GRID1: variants seen among roughly 807,000 people sequenced by gnomAD.
GRID1 encodes glutamate receptor ionotropic, delta-1.
A neutral mutation model predicts 98.0 loss-of-function variants in GRID1; 28 were observed. The observed-to-expected ratio is 0.29, with a 90% CI of 0.21 to 0.39. The LOEUF is 0.39. Among genes scored for constraint, GRID1 ranks in the 10% least tolerant of loss-of-function variants. The pLI, the probability that GRID1 is intolerant of heterozygous loss-of-function variation, is 1.00. For synonymous variants in GRID1, 553 were observed against 538.5 expected (o/e 1.03, Z -0.37); for missense variants, 1,111 against 1,340.5 (o/e 0.83, Z 2.67).
At chr10:85,949,123 T>C (rs994948029) in intron 4 of GRID1, among the ~76,000 whole-genome samples, 2 of 151,888 alleles carry the variant, frequency 1.3e-5, no homozygotes, top group African/African-American at 4.8e-5. Context: ...AGGTGTGGGG[T>C]GCGGGAGGGG....
chr10:85,735,797 G>GAA (rs1841873993), intron 8 of GRID1, among the ~76,000 whole-genome samples: 2 of 151,418 alleles, frequency 1.3e-5, no homozygotes, highest in South Asian at 4.2e-4. Flanking sequence ...AGAGAGGAAG[G>GAA]GAGGAAGGAA....
At chr10:85,779,580 G>C (rs576341599) in intron 8 of GRID1, among the ~76,000 whole-genome samples, 3 of 152,096 alleles carry the variant, frequency 2.0e-5, no homozygotes, top group South Asian at 2.1e-4. Context: ...GGCCCAGGCT[G>C]GGCTTTTCTG....
intron 3 of GRID1, among the ~76,000 whole-genome samples, chr10:86,167,836 C>T (rs1845422928): frequency 1.3e-5 from 2 of 151,858 alleles, no homozygotes; most frequent in South Asian, 4.2e-4. Context: ...GCCTGAGGCT[C>T]TCAGGAGACA....
intron 6 of GRID1, among the ~76,000 whole-genome samples, chr10:85,861,227 A>T (rs1350389233): frequency 6.6e-6 from 1 of 152,200 alleles, no homozygotes; most frequent in East Asian, 1.9e-4. Context: ...TTCCAAAGGC[A>T]CAAAGGGATC....
intron 3 of GRID1, among the ~76,000 whole-genome samples, chr10:86,141,233 C>T (rs1289264750): frequency 6.6e-6 from 1 of 152,206 alleles, no homozygotes; most frequent in East Asian, 1.9e-4. Flanking sequence ...ACACAAGCCC[C>T]AGGCTGTCAA....
intron 8 of GRID1, among the ~76,000 whole-genome samples, chr10:85,806,816 T>C (rs924619608): frequency 1.3e-5 from 2 of 152,164 alleles, no homozygotes; most frequent in African/African-American, 4.8e-5. Context: ...GGGAGAACTT[T>C]TTAGTGTCAT....
At chr10:85,945,372 T>C (rs917545552) in intron 4 of GRID1, among the ~76,000 whole-genome samples, 6 of 152,206 alleles carry the variant, frequency 3.9e-5, no homozygotes, top group African/African-American at 1.4e-4. Context: ...TAAATCTTGG[T>C]TTAACCCTTT....
In GRID1 at chr10:85,673,751, T is replaced by G. The variant is rs144132708; in HGVS notation, c.1998-26354A>C. Among the ~76,000 whole-genome samples the G allele has an allele frequency of 6.6e-5, 10 of 152,356 alleles. No individual in the cohort carries two copies. The East Asian group carries it at 9.6e-4, about 15-fold the overall frequency. On this transcript the variant is annotated intron_variant, in intron 12 of 15. Transcript: ENST00000327946. ...TATATGCACTGGAAAACCAAAAAATTCCTGCGACTTTATTTATTGCAATAT... is the reference window on the plus strand; with the variant it reads ...TATATGCACTGGAAAACCAAAAAATGCCTGCGACTTTATTTATTGCAATAT...
chr10:85,693,592 G>C (rs1158989191), intron 12 of GRID1, among the ~76,000 whole-genome samples: 1 of 151,804 alleles, frequency 6.6e-6, no homozygotes, highest in African/African-American at 2.4e-5. Flanking sequence ...TAAATACACA[G>C]GTCAATGAAA....
At chr10:85,764,791 A>G (rs1842181756) in intron 8 of GRID1, among the ~76,000 whole-genome samples, 1 of 152,230 alleles carries the variant, frequency 6.6e-6, no homozygotes. Context: ...CATTGCATGC[A>G]TGTCAGCCAT....
chr10:86,187,244 T>C (rs1845737656), intron 3 of GRID1, among the ~76,000 whole-genome samples: 2 of 152,146 alleles, frequency 1.3e-5, no homozygotes, highest in Non-Finnish European at 2.9e-5. Context: ...ATTGGGTTGA[T>C]AATAATATCA....
chr10:86,076,565 C>G (rs1013300207), intron 4 of GRID1, among the ~76,000 whole-genome samples: 3 of 152,206 alleles, frequency 2.0e-5, no homozygotes, highest in Admixed American at 2.0e-4. Flanking sequence ...GGCAAGTCCA[C>G]AGTCTGTGAG....
intron 5 of GRID1, among the ~76,000 whole-genome samples, chr10:85,883,315 AT>A (rs1841062166): frequency 6.6e-6 from 1 of 151,852 alleles, no homozygotes; most frequent in Admixed American, 6.6e-5. Flanking sequence ...CCTTGCTCAT[AT>A]TTTCCAGTAT....
chr10:86,088,560 A>G (rs1294882096), intron 4 of GRID1, among the ~76,000 whole-genome samples: 1 of 152,206 alleles, frequency 6.6e-6, no homozygotes, highest in Admixed American at 6.5e-5. Context: ...TCTCCAGGGC[A>G]AATTAGAGAT....
At chr10:85,717,501 T>C (rs1841653276) in intron 12 of GRID1, among the ~76,000 whole-genome samples, 1 of 152,080 alleles carries the variant, frequency 6.6e-6, no homozygotes, top group Non-Finnish European at 1.5e-5. Flanking sequence ...ATCACAAGAA[T>C]AGCATGGGAA....
intron 2 of GRID1, among the ~76,000 whole-genome samples, chr10:86,209,014 G>C (rs1354036430): frequency 2.6e-5 from 4 of 152,148 alleles, no homozygotes; most frequent in Non-Finnish European, 5.9e-5. Context: ...AACTAGTCAA[G>C]AAGATACTAC....
chr10:85,859,429 A>G (rs1177825684), intron 6 of GRID1, among the ~76,000 whole-genome samples: 1 of 152,066 alleles, frequency 6.6e-6, no homozygotes, highest in East Asian at 1.9e-4. Context: ...GGATGGATGG[A>G]TGGATGCATG....
At chr10:85,765,940 A>C (rs1185396980) in intron 8 of GRID1, among the ~76,000 whole-genome samples, 2 of 152,162 alleles carry the variant, frequency 1.3e-5, no homozygotes, top group African/African-American at 4.8e-5. Context: ...ACTTCCATGC[A>C]TAGAAAACAT....
chr10:86,076,174 A>C (rs1435416300), intron 4 of GRID1, among the ~76,000 whole-genome samples: 1 of 152,282 alleles, frequency 6.6e-6, no homozygotes, highest in Admixed American at 6.5e-5. Context: ...CATTTTTAAT[A>C]GTGATCTATC....
Sources: gnomAD v4.1 joint callset for allele counts (sites outside exome capture counted in the v4.1 genomes callset) on GRCh38, gnomAD v4.1.1 for gene constraint, MANE v1.5 for transcripts, NCBI Gene and HGNC (gene_info 2026-07-23, HGNC 2026-07-21) for gene names.